The following PABPN1L variants were observed in gnomAD, a reference collection of about 807,000 sequenced individuals.
PABPN1L encodes embryonic polyadenylate-binding protein 2.
In PABPN1L, 45 loss-of-function variants were observed where a neutral mutation model predicts 34.0. The ratio of observed to expected loss-of-function variants is 1.32; its 90% confidence interval spans 1.04 to 1.70. PABPN1L has a LOEUF of 1.70. Ranked by LOEUF, PABPN1L falls within the 40% of genes most tolerant of loss-of-function variation. The probability of loss-of-function intolerance (pLI) is 0.00; values close to 1 mark genes in which losing one functional copy is unlikely to be tolerated. For missense variants in PABPN1L, 459 were observed against 367.8 expected, an observed-to-expected ratio of 1.25 and a Z score of -2.03; for synonymous variants, 182 against 152.1, an observed-to-expected ratio of 1.20 and a Z score of -1.45.
In PABPN1L at chr16:88,865,235, G is replaced by C. The variant is rs554614893; in HGVS notation, c.460-107C>G. 4.2e-4 allele frequency: 512 copies of C among 1,222,254 alleles called. 1 individual carries two copies. The highest frequency in any genetic ancestry group is 3.8e-3 in the Middle Eastern group (14 of 3,646). 75.7% of individuals were successfully genotyped at this position (1,222,254 alleles called of 1,614,324 possible). On this transcript the variant is annotated intron_variant, in intron 3 of 6. Coordinates refer to ENST00000419291, the Ensembl canonical transcript of PABPN1L. ...CCCCAAGGCTGGGCCCCGTGGCGGG[G>C]ATGGCCCCAGGCCTCCACCCCACAC...
rs907831531 is a variant in PABPN1L at position 88,865,239 on chromosome 16, G to A, written c.460-111C>T. On this transcript the variant is annotated intron_variant, in intron 3 of 6. Coordinates refer to ENST00000419291, the Ensembl canonical transcript of PABPN1L. ...AAGGCTGGGCCCCGTGGCGGGGATG[G>A]CCCCAGGCCTCCACCCCACACCCCC... The A allele has an allele frequency of 5.2e-6, 6 of 1,159,006 alleles. No homozygotes were observed. The Admixed American group carries it at 1.1e-4, about 21-fold the overall frequency. 71.8% of individuals were successfully genotyped at this position (1,159,006 alleles called of 1,614,324 possible). A position where few individuals can be genotyped will look rare whatever the true frequency, so the allele number is the denominator to read the frequency against.
exon 7 of PABPN1L, chr16:88,863,553 C>T (rs760934423): frequency 1.0e-5 from 7 of 694,582 alleles, no homozygotes; most frequent in East Asian, 2.7e-5. Flanking sequence ...GGCTGTGACT[C>T]GTGGCTGTGG....
At chr16:88,868,346 T>C (rs961916961), upstream of PABPN1L, among the ~76,000 whole-genome samples, 5 of 152,166 alleles carry the variant, frequency 3.3e-5, no homozygotes, top group Admixed American at 1.3e-4. Flanking sequence ...CTCACGCCTA[T>C]AATCCCAGCA....
Position 88,864,846 on chromosome 16 carries a change from G to A in PABPN1L, c.654+7C>T, listed in dbSNP as rs760661704. 1.4e-5 allele frequency: 23 copies of A among 1,602,468 alleles called. 1 individual carries two copies. The highest frequency in any genetic ancestry group is 3.4e-5 in the Admixed American group (2 of 58,616). On this transcript the variant is annotated splice_region_variant and intron_variant, in intron 5 of 6. Transcript: ENST00000419291. ...CATGTTCCTGGACCTGGGGAGCACCGGCGCACCTTGATGACCCGGCCCCGG... is the reference window on the plus strand; with the variant it reads ...CATGTTCCTGGACCTGGGGAGCACCAGCGCACCTTGATGACCCGGCCCCGG...
chr16:88,864,967 G>A (rs747272453), intron 4 of PABPN1L, 27 bp from the exon 5 acceptor site: 19 of 1,604,078 alleles, frequency 1.2e-5, no homozygotes, highest in African/African-American at 8.0e-5. Context: ...GGAGGGGAGG[G>A]GTGAGGCTGG....
chr16:88,865,610 G>C, exon 3 of PABPN1L: 1 of 1,610,068 alleles, frequency 6.2e-7, no homozygotes, highest in Non-Finnish European at 8.5e-7. Flanking sequence ...TTCTCCTCGG[G>C]GGTCCCAGAG....
upstream of PABPN1L, among the ~76,000 whole-genome samples, chr16:88,869,077 A>T (rs1307885408): frequency 6.6e-6 from 1 of 152,172 alleles, no homozygotes; most frequent in Non-Finnish European, 1.5e-5. Flanking sequence ...GTGGCTGTCC[A>T]ATTAGGAAGA....
In PABPN1L at chr16:88,866,209, T is replaced by C; in HGVS notation, c.255+143A>G. The C allele has an allele frequency of 5.9e-6, 8 of 1,363,662 alleles. No homozygotes were observed. In the South Asian group the frequency reaches 1.2e-4, roughly 20 times the overall value. 84.5% of individuals were successfully genotyped at this position (1,363,662 alleles called of 1,614,324 possible). On this transcript the variant is annotated intron_variant, in intron 1 of 6. Coordinates refer to ENST00000419291, the Ensembl canonical transcript of PABPN1L. ...TGTGGCTGGGGGCGGGGGGTCTCCT[T>C]GCCACCTTCGTCCAGGCAGGTGGGC...
rs1968590548 is a variant in PABPN1L at position 88,866,271 on chromosome 16, C to G, written c.255+81G>C. ...CCCCTCCTAAGTCAGCTGCAGCCATCCGTCACCCAGACCCCGTGTCTCCAC... is the reference window on the plus strand; with the variant it reads ...CCCCTCCTAAGTCAGCTGCAGCCATGCGTCACCCAGACCCCGTGTCTCCAC... On this transcript the variant is annotated intron_variant, in intron 1 of 6. Coordinates refer to ENST00000419291, the Ensembl canonical transcript of PABPN1L. 5 of 1,482,624 alleles carry G rather than the reference C, an allele frequency of 3.4e-6. No individual in the cohort carries two copies. In the South Asian group the frequency reaches 6.7e-5, roughly 20 times the overall value. The allele number at this position is 1,482,624 out of a possible 1,614,324, so 91.8% of individuals were successfully genotyped here.
In PABPN1L at chr16:88,863,829, TC is replaced by T. The variant is rs1968508302; in HGVS notation, c.798-35del. ...AGAGAGAACACACACTGAGTGGCCT[TC>T]CAGAGGAGAAGGGGTGGTGGCCCAG... is the stretch of plus-strand genomic sequence containing the variant. On this transcript the variant is annotated intron_variant, in intron 6 of 6. Coordinates refer to ENST00000419291, the Ensembl canonical transcript of PABPN1L. The T allele has an allele frequency of 3.1e-5, 47 of 1,529,530 alleles. No individual in the cohort carries two copies. In the East Asian group the frequency reaches 1.1e-3, roughly 37 times the overall value. 94.7% of individuals were successfully genotyped at this position (1,529,530 alleles called of 1,614,324 possible).
At chr16:88,866,204 C>G in intron 1 of PABPN1L, 148 bp downstream of exon 1, 1 of 1,348,070 alleles carries the variant, frequency 7.4e-7, no homozygotes, top group South Asian at 1.5e-5. Context: ...GGCGGGGGGT[C>G]TCCTTGCCAC....
chr16:88,863,395 A>G (rs1968492328), exon 7 of PABPN1L: 1 of 402,260 alleles, frequency 2.5e-6, no homozygotes, highest in Admixed American at 4.0e-5. Flanking sequence ...ACACGTTTCT[A>G]TTTTTCTTAA....
chr16:88,867,775 C>T (rs1968631760), upstream of PABPN1L, among the ~76,000 whole-genome samples: 1 of 152,196 alleles, frequency 6.6e-6, no homozygotes, highest in Non-Finnish European at 1.5e-5. Context: ...CACCTGCCAC[C>T]GCGGCTGCTG....
intron 1 of PABPN1L, 104 bp downstream of exon 1, chr16:88,866,248 C>T (rs1193896188): frequency 3.6e-5 from 53 of 1,454,332 alleles, no homozygotes; most frequent in Admixed American, 1.1e-4. Context: ...GGCCCTCTCC[C>T]CTCCTAAGTC....
chr16:88,868,706 C>CTTT (rs1306468702), upstream of PABPN1L, among the ~76,000 whole-genome samples: 1 of 151,830 alleles, frequency 6.6e-6, no homozygotes, highest in Non-Finnish European at 1.5e-5. Context: ...AAAGGGAGGG[C>CTTT]GGATAAAAGG....
At position 88,863,793 on chromosome 16, in the gene PABPN1L, G is replaced by C. The variant is rs1436049419; in HGVS notation, c.800C>G (p.Ala267Gly). 6.6e-5 allele frequency: 102 copies of C among 1,535,848 alleles called. No individual in the cohort carries two copies. The highest frequency in any genetic ancestry group is 8.6e-5 in the Non-Finnish European group (99 of 1,146,836). The change falls in exon 7 of 7, where the codon GCC becomes GGC. Residue 267 changes from alanine to glycine, a missense_variant and splice_region_variant. Ala to Gly is a moderately conservative substitution (Grantham distance 60). Coordinates refer to ENST00000419291, the Ensembl canonical transcript of PABPN1L. ...AAACCATGGTGAGAATTTTCCACGGGCCCTGCACGGAGAGAGAACACACAC... is the reference window on the plus strand; with the variant it reads ...AAACCATGGTGAGAATTTTCCACGGCCCCTGCACGGAGAGAGAACACACAC...
intron 1 of PABPN1L, 57 bp downstream of exon 1, chr16:88,866,292 TCCA>T: frequency 6.6e-7 from 1 of 1,510,076 alleles, no homozygotes; most frequent in Non-Finnish European, 8.9e-7. Flanking sequence ...ACCCCGTGTC[TCCA>T]CCAGCCCCTG....
upstream of PABPN1L, among the ~76,000 whole-genome samples, chr16:88,867,964 T>C (rs28546974): frequency 0.088 from 13,464 of 152,250 alleles, 1,529 homozygotes; most frequent in African/African-American, 0.26. Context: ...CCCCGGTGTT[T>C]AGCCAGTGGG....
chr16:88,863,569 G>A, exon 7 of PABPN1L: 1 of 763,848 alleles, frequency 1.3e-6, no homozygotes, highest in South Asian at 1.5e-5. Context: ...TGTGGCCTTG[G>A]GTCTGGACCA....
Sources: allele counts gnomAD v4.1 joint callset (sites outside exome capture counted in the v4.1 genomes callset), GRCh38; gene constraint gnomAD v4.1.1; transcripts MANE v1.5; gene names NCBI Gene and HGNC (gene_info 2026-07-23, HGNC 2026-07-21).